SCFD1: variants seen among roughly 807,000 people sequenced by gnomAD.
SCFD1 encodes sec1 family domain-containing protein 1.
A neutral mutation model predicts 103.2 loss-of-function variants in SCFD1; 37 were observed. That is an observed-to-expected ratio of 0.36 (90% CI 0.28 to 0.47). SCFD1 has a LOEUF of 0.47. Among genes scored for constraint, SCFD1 ranks in the 20% least tolerant of loss-of-function variants. The pLI is 1.00. For missense variants in SCFD1, 639 were observed against 761.2 expected (o/e 0.84, Z 1.89); for synonymous variants, 264 against 245.0 (o/e 1.08, Z -0.73).
At chr14:30,647,733 C>A (rs555629860) in intron 7 of SCFD1, among the ~76,000 whole-genome samples, 1 of 152,236 alleles carries the variant, frequency 6.6e-6, no homozygotes, top group East Asian at 1.9e-4. Context: ...GCACTGCAAC[C>A]TCTGCCTCCC....
intron 4 of SCFD1, among the ~76,000 whole-genome samples, chr14:30,636,896 A>T (rs1384456905): frequency 2.0e-5 from 3 of 151,990 alleles, no homozygotes; most frequent in Non-Finnish European, 4.4e-5. Flanking sequence ...TGCTGAACTT[A>T]TATGTCCTTT....
Position 30,650,583 on chromosome 14 carries a change from C to A in SCFD1, c.688C>A (p.Arg230=), listed in dbSNP as rs370387803. The part of the protein sequence containing the change: ...MVAVKLDKKL[R]ENLRDARNSL... ...TTTTCAGAAACTAGACAAGAAACTT[C>A]GAGAAAATCTAAGAGATGCAAGAAA... Residue 230 remains arginine, a synonymous_variant, in exon 9 of 25, where the codon CGA becomes AGA. Coordinates refer to ENST00000458591, the MANE Select transcript of SCFD1 (RefSeq NM_016106.4). The A allele has an allele frequency of 2.5e-6, 4 of 1,606,886 alleles. No homozygotes were observed. In the South Asian group the frequency reaches 4.4e-5, roughly 18 times the overall value.
chr14:30,637,984 G>A (rs1232810222), intron 4 of SCFD1, 141 bp from the exon 5 acceptor site: 8 of 1,131,948 alleles, frequency 7.1e-6, no homozygotes, highest in Non-Finnish European at 9.3e-6. Context: ...TACTTCAAAG[G>A]TTTTTTCTCT....
Position 30,627,856 on chromosome 14 carries a change from TAA to T in SCFD1, c.62-336_62-335del, listed in dbSNP as rs59421697. 4.5e-3 allele frequency among the ~76,000 whole-genome samples: 521 copies of T among 116,248 alleles called. 6 individuals are homozygous for T. The highest frequency in any genetic ancestry group is 0.015 in the African/African-American group (462 of 31,590). 76.3% of individuals were successfully genotyped at this position (116,248 alleles called of 152,430 possible). ...TCCTTCTCACTAGACCACTCAGACT[TAA>T]AAAAAAAAAAAAAAAAGACTTACCT... On this transcript the variant is annotated intron_variant, in intron 1 of 24. Transcript: ENST00000458591.
At chr14:30,633,458 TA>T (rs1204857534) in intron 3 of SCFD1, among the ~76,000 whole-genome samples, 5 of 152,178 alleles carry the variant, frequency 3.3e-5, no homozygotes, top group African/African-American at 9.7e-5. Flanking sequence ...ACCTTTCATT[TA>T]AAAAATATAT....
At chr14:30,635,828 A>C (rs1269056486) in intron 4 of SCFD1, among the ~76,000 whole-genome samples, 1 of 152,152 alleles carries the variant, frequency 6.6e-6, no homozygotes, top group East Asian at 1.9e-4. Context: ...TTTTAGTAAT[A>C]GACTGTTTTG....
chr14:30,730,919 C>T (rs1243133567), intron 23 of SCFD1, among the ~76,000 whole-genome samples: 1 of 151,996 alleles, frequency 6.6e-6, no homozygotes, highest in African/African-American at 2.4e-5. Flanking sequence ...ACATGAAGTC[C>T]TTGCCCATGT....
At chr14:30,693,324 C>G (rs1214060449) in intron 14 of SCFD1, among the ~76,000 whole-genome samples, 2 of 152,010 alleles carry the variant, frequency 1.3e-5, no homozygotes, top group East Asian at 1.9e-4. Flanking sequence ...AAGAAAATAC[C>G]TATAGAAGCA....
intron 14 of SCFD1, among the ~76,000 whole-genome samples, chr14:30,682,478 C>G (rs1309370335): frequency 6.6e-6 from 1 of 152,126 alleles, no homozygotes; most frequent in East Asian, 1.9e-4. Context: ...GTGGCAAACC[C>G]ACCGGTATGA....
intron 23 of SCFD1, chr14:30,722,906 T>A (rs560845620): frequency 1.2e-5 from 2 of 160,560 alleles, no homozygotes; most frequent in East Asian, 3.6e-4. Context: ...AATATGCACT[T>A]TACTCCTATC....
At chr14:30,647,259 C>CA (rs1885929857) in intron 7 of SCFD1, among the ~76,000 whole-genome samples, 1 of 151,832 alleles carries the variant, frequency 6.6e-6, no homozygotes, top group East Asian at 1.9e-4. Flanking sequence ...ATATGTCACA[C>CA]AAAAAAATTA....
chr14:30,711,827 G>A (rs1435290356), intron 19 of SCFD1, among the ~76,000 whole-genome samples: 2 of 152,008 alleles, frequency 1.3e-5, no homozygotes, highest in African/African-American at 2.4e-5. Flanking sequence ...TAAAATGATT[G>A]ATTGTATATT....
intron 15 of SCFD1, among the ~76,000 whole-genome samples, chr14:30,699,619 ATT>A (rs1890938279): frequency 6.6e-6 from 1 of 152,184 alleles, no homozygotes; most frequent in African/African-American, 2.4e-5. Flanking sequence ...ATAAAAATAT[ATT>A]GTTTTCCCAT....
chr14:30,667,365 C>T (rs1888082261), intron 10 of SCFD1, among the ~76,000 whole-genome samples: 1 of 152,158 alleles, frequency 6.6e-6, no homozygotes, highest in African/African-American at 2.4e-5. Flanking sequence ...GCCCTTCATG[C>T]TAAAACCTCT....
At chr14:30,695,329 A>G (rs1325947452) in intron 15 of SCFD1, among the ~76,000 whole-genome samples, 1 of 152,180 alleles carries the variant, frequency 6.6e-6, no homozygotes, top group African/African-American at 2.4e-5. Context: ...AAATATTTGT[A>G]TGTTAGATTT....
At chr14:30,656,221 A>G (rs2139129126) in intron 10 of SCFD1, among the ~76,000 whole-genome samples, 1 of 152,274 alleles carries the variant, frequency 6.6e-6, no homozygotes, top group South Asian at 2.1e-4. Flanking sequence ...TCAGCCTCCC[A>G]AAGTGCTGAG....
chr14:30,653,935 G>A (rs939193098), intron 10 of SCFD1: 2 of 158,104 alleles, frequency 1.3e-5, no homozygotes, highest in African/African-American at 4.8e-5. Flanking sequence ...GAGAAAAGCA[G>A]TAATTTCTCC....
At position 30,622,355 on chromosome 14, in the gene SCFD1, C is replaced by G. The variant is rs768275691; in HGVS notation, c.17C>G (p.Ala6Gly). Residue 6 changes from alanine to glycine, a missense_variant, in exon 1 of 25, where the codon GCA becomes GGA. Physicochemically the swap from Ala to Gly is moderately conservative, Grantham distance 60. Coordinates refer to ENST00000458591, the MANE Select transcript of SCFD1 (RefSeq NM_016106.4). Reference protein sequence around the residue: MAAAAAATAAAAASIR... With the variant: MAAAAGATAAAAASIR... ...GGAGCCAAGATGGCGGCGGCGGCGG[C>G]AGCGACAGCAGCAGCAGCAGCCAGT... 6.4e-6 allele frequency: 10 copies of G among 1,566,412 alleles called. No homozygotes were observed. In the Admixed American group the frequency reaches 7.6e-5, roughly 12 times the overall value.
chr14:30,638,909 T>C (rs999754896), intron 5 of SCFD1, among the ~76,000 whole-genome samples: 15 of 152,228 alleles, frequency 9.9e-5, no homozygotes, highest in Middle Eastern at 3.2e-3. Context: ...TAAACAACCA[T>C]GCATATACTT....
Sources: allele counts gnomAD v4.1 joint callset (sites outside exome capture counted in the v4.1 genomes callset), GRCh38; gene constraint gnomAD v4.1.1; transcripts MANE v1.5; gene names NCBI Gene and HGNC (gene_info 2026-07-23, HGNC 2026-07-21).